TEX14: variants seen among roughly 807,000 people sequenced by gnomAD.
The protein encoded by TEX14 is testis expressed 14, intercellular bridge forming factor.
A neutral mutation model predicts 178.6 loss-of-function variants in TEX14; 168 were observed. The observed-to-expected ratio is 0.94, with a 90% CI of 0.83 to 1.07. The LOEUF is 1.07. TEX14 is among the 50% of genes least tolerant of loss of function. TEX14 has a pLI of 0.00. For missense variants in TEX14, 1,730 were observed against 1,753.6 expected, an observed-to-expected ratio of 0.99 and a Z score of 0.24; for synonymous variants, 626 against 634.1, an observed-to-expected ratio of 0.99 and a Z score of 0.19.
chr17:58,648,956 A>C (rs2046779475), intron 2 of TEX14, among the ~76,000 whole-genome samples: 1 of 146,600 alleles, frequency 6.8e-6, no homozygotes, highest in East Asian at 2.0e-4. Context: ...CGCCCAGCTA[A>C]ATTTTTGTTT....
At chr17:58,640,973 A>G (rs1259418401) in intron 2 of TEX14, among the ~76,000 whole-genome samples, 3 of 151,680 alleles carry the variant, frequency 2.0e-5, no homozygotes, top group Non-Finnish European at 4.4e-5. Context: ...ACCAGCCTCA[A>G]CCTCCCAAAG....
intron 1 of TEX14, among the ~76,000 whole-genome samples, chr17:58,689,246 G>C (rs1005146692): frequency 6.6e-6 from 1 of 150,452 alleles, no homozygotes; most frequent in Non-Finnish European, 1.5e-5. Context: ...ATTTTTAGAG[G>C]GAGTCTCTCT....
intron 2 of TEX14, among the ~76,000 whole-genome samples, chr17:58,643,535 T>C (rs1322830686): frequency 6.7e-6 from 1 of 149,968 alleles, no homozygotes; most frequent in East Asian, 2.0e-4. Context: ...GGGAGGACTA[T>C]GGGGCAACAT....
At chr17:58,653,576 G>A (rs1352148344) in intron 1 of TEX14, among the ~76,000 whole-genome samples, 3 of 152,290 alleles carry the variant, frequency 2.0e-5, no homozygotes, top group East Asian at 3.9e-4. Flanking sequence ...GAAGTAGGTC[G>A]TTATGGCAGG....
intron 2 of TEX14, among the ~76,000 whole-genome samples, chr17:58,633,783 A>G (rs1472499029): frequency 6.6e-6 from 1 of 152,128 alleles, no homozygotes; most frequent in Non-Finnish European, 1.5e-5. Context: ...CCTGGCCAAC[A>G]TGGTGAAACC....
chr17:58,617,167 G>A (rs1257214315), intron 6 of TEX14, among the ~76,000 whole-genome samples: 1 of 152,076 alleles, frequency 6.6e-6, no homozygotes, highest in Admixed American at 6.6e-5. Context: ...AGAATTGCTT[G>A]AACCCAGTAG....
chr17:58,672,082 G>A (rs1365452155), intron 1 of TEX14, among the ~76,000 whole-genome samples: 1 of 152,156 alleles, frequency 6.6e-6, no homozygotes, highest in Non-Finnish European at 1.5e-5. Context: ...GCATTAGTTA[G>A]GTTCTCATAA....
chr17:58,603,984 G>A (rs969629421), intron 11 of TEX14, among the ~76,000 whole-genome samples: 4 of 143,244 alleles, frequency 2.8e-5, no homozygotes, highest in Non-Finnish European at 6.0e-5. Flanking sequence ...TCAGATATGT[G>A]ACTACTTTCT....
At chr17:58,646,574 C>T (rs2046712835) in intron 2 of TEX14, among the ~76,000 whole-genome samples, 1 of 152,168 alleles carries the variant, frequency 6.6e-6, no homozygotes, top group Admixed American at 6.6e-5. Context: ...TCAAGTGATT[C>T]TCCCACCTCA....
At chr17:58,655,696 G>A (rs645276) in intron 1 of TEX14, among the ~76,000 whole-genome samples, 1 of 152,112 alleles carries the variant, frequency 6.6e-6, no homozygotes, top group East Asian at 1.9e-4. Flanking sequence ...ATTCTGTCCT[G>A]GAACAGAATG....
At chr17:58,580,193 A>G (rs1400800195) in intron 19 of TEX14, among the ~76,000 whole-genome samples, 2 of 152,138 alleles carry the variant, frequency 1.3e-5, no homozygotes, top group East Asian at 1.9e-4. Flanking sequence ...CTTTTTTTCA[A>G]ACAAGGTCTT....
chr17:58,688,556 C>T (rs1231180791), intron 1 of TEX14, among the ~76,000 whole-genome samples: 1 of 152,128 alleles, frequency 6.6e-6, no homozygotes, highest in African/African-American at 2.4e-5. Context: ...TTATTATGTA[C>T]TTTTTTGTGT....
chr17:58,682,396 T>C (rs1368647643), intron 1 of TEX14, among the ~76,000 whole-genome samples: 1 of 152,070 alleles, frequency 6.6e-6, no homozygotes, highest in Non-Finnish European at 1.5e-5. Context: ...TAGCTGGAAT[T>C]ACAAGCACAT....
chr17:58,600,559 C>CAA (rs36057622), intron 13 of TEX14, among the ~76,000 whole-genome samples: 83 of 114,660 alleles, frequency 7.2e-4, no homozygotes, highest in Admixed American at 1.1e-3. Context: ...GAAACTGTCT[C>CAA]AAAAAAAAAA....
Position 58,666,664 on chromosome 17 carries a change from C to T in TEX14, c.-1-14662G>A, listed in dbSNP as rs180684533. ...GCCACACACAGGGAAAAACCACCTC[C>T]ATAATCACAGTATTTCTCCTGACAG... On this transcript the variant is annotated intron_variant, in intron 1 of 31. Coordinates refer to ENST00000349033, the MANE Select transcript of TEX14 (RefSeq NM_031272.5). 4 of 152,268 alleles carry T rather than the reference C, an allele frequency of 2.6e-5. No homozygotes were observed. In the East Asian group the frequency reaches 5.8e-4, roughly 22 times the overall value. The allele number at this position is 152,268 out of a possible 1,614,324, so 9.4% of individuals were successfully genotyped here.
At chr17:58,626,427 G>A (rs568228981) in intron 3 of TEX14, among the ~76,000 whole-genome samples, 6 of 152,084 alleles carry the variant, frequency 3.9e-5, no homozygotes, top group South Asian at 2.1e-4. Flanking sequence ...AAAATTAGCC[G>A]GGCATAGTGG....
chr17:58,635,737 G>A (rs527520119), intron 2 of TEX14, among the ~76,000 whole-genome samples: 1 of 151,262 alleles, frequency 6.6e-6, no homozygotes, highest in African/African-American at 2.4e-5. Flanking sequence ...GCCCACCAAG[G>A]GCTTCTCTTT....
chr17:58,614,066 C>G (rs2045813176), intron 8 of TEX14, among the ~76,000 whole-genome samples: 1 of 152,184 alleles, frequency 6.6e-6, no homozygotes, highest in Admixed American at 6.5e-5. Context: ...GAGCTTAGAG[C>G]CATCAATGAC....
chr17:58,604,426 G>A (rs544305183), intron 11 of TEX14, among the ~76,000 whole-genome samples: 285 of 150,696 alleles, frequency 1.9e-3, no homozygotes, highest in African/African-American at 6.7e-3. Context: ...AACCGAGATC[G>A]AGCCACTGCA....
Sources: allele counts gnomAD v4.1 joint callset (sites outside exome capture counted in the v4.1 genomes callset), GRCh38; gene constraint gnomAD v4.1.1; transcripts MANE v1.5; gene names NCBI Gene and HGNC (gene_info 2026-07-23, HGNC 2026-07-21).